The following TMEM117 variants were observed in gnomAD, a reference collection of about 807,000 sequenced individuals.
TMEM117 encodes the protein transmembrane protein 117.
TMEM117 carries 27 observed loss-of-function variants against 52.4 expected under a neutral mutation model. The ratio of observed to expected loss-of-function variants is 0.51; its 90% confidence interval spans 0.38 to 0.71. TMEM117 has a LOEUF of 0.71. TMEM117 is among the 30% of genes least tolerant of loss of function. TMEM117 has a pLI of 0.00. For missense variants in TMEM117, 556 were observed against 630.5 expected, an observed-to-expected ratio of 0.88 and a Z score of 1.26; for synonymous variants, 215 against 206.3, an observed-to-expected ratio of 1.04 and a Z score of -0.36.
intron 6 of TMEM117, among the ~76,000 whole-genome samples, chr12:44,352,350 T>A (rs1951575423): frequency 6.6e-6 from 1 of 152,134 alleles, no homozygotes; most frequent in Admixed American, 6.6e-5. Context: ...AACGTGCAGG[T>A]TTGTTACATA....
At chr12:44,355,526 G>A (rs1951634969) in intron 6 of TMEM117, among the ~76,000 whole-genome samples, 1 of 152,024 alleles carries the variant, frequency 6.6e-6, no homozygotes, top group East Asian at 1.9e-4. Flanking sequence ...GGACTGAAGA[G>A]TCTTTTAGGA....
At chr12:43,821,482 T>C in the TMEM117 span, among the ~76,000 whole-genome samples, 1 of 152,212 alleles carries the variant, frequency 6.6e-6, no homozygotes, top group Non-Finnish European at 1.5e-5. Context: ...ATTTTCACCA[T>C]GTTGCCCAGG....
chr12:43,928,909 A>G (rs988141917), intron 2 of TMEM117, among the ~76,000 whole-genome samples: 10 of 151,928 alleles, frequency 6.6e-5, no homozygotes, highest in African/African-American at 2.4e-4. Flanking sequence ...CCATGTCCCT[A>G]TAAAGGACAT....
intron 3 of TMEM117, among the ~76,000 whole-genome samples, chr12:44,101,410 C>G (rs943843540): frequency 6.6e-6 from 1 of 151,878 alleles, no homozygotes; most frequent in African/African-American, 2.4e-5. Context: ...ATGGACTGTC[C>G]TTCCTCTGTC....
At chr12:43,819,606 C>T in the TMEM117 span, among the ~76,000 whole-genome samples, 2 of 152,228 alleles carry the variant, frequency 1.3e-5, no homozygotes, top group East Asian at 3.9e-4. Flanking sequence ...AACCTCGTCT[C>T]TACTAAAAAT....
intron 6 of TMEM117, among the ~76,000 whole-genome samples, chr12:44,311,895 GTGTATATA>G (rs1950994063): frequency 7.5e-6 from 1 of 132,466 alleles, no homozygotes; most frequent in African/African-American, 3.2e-5. Flanking sequence ...GTATATATAT[GTGTATATA>G]TATATGTGTG....
chr12:43,975,829 G>A (rs569313750), intron 3 of TMEM117, among the ~76,000 whole-genome samples: 6 of 152,266 alleles, frequency 3.9e-5, no homozygotes, highest in African/African-American at 1.4e-4. Context: ...AATTCATTAT[G>A]CTGGACTAAA....
At chr12:44,209,676 A>G (rs1836270500) in intron 4 of TMEM117, among the ~76,000 whole-genome samples, 1 of 152,152 alleles carries the variant, frequency 6.6e-6, no homozygotes, top group Non-Finnish European at 1.5e-5. Flanking sequence ...AGTGTTACTC[A>G]GTGAAGGGGA....
At chr12:44,053,959 G>A (rs1947013143) in intron 3 of TMEM117, among the ~76,000 whole-genome samples, 1 of 152,138 alleles carries the variant, frequency 6.6e-6, no homozygotes, top group Admixed American at 6.5e-5. Flanking sequence ...TTTTAAATTT[G>A]GGTGTGATTA....
the TMEM117 span, among the ~76,000 whole-genome samples, chr12:43,820,826 G>A: frequency 1.3e-5 from 2 of 151,822 alleles, no homozygotes; most frequent in Non-Finnish European, 2.9e-5. Flanking sequence ...AAGTGGCCGG[G>A]CGCGTTGGCT....
At chr12:44,147,475 G>A (rs1488791361) in intron 4 of TMEM117, among the ~76,000 whole-genome samples, 1 of 152,092 alleles carries the variant, frequency 6.6e-6, no homozygotes, top group Admixed American at 6.5e-5. Context: ...GCTGATCTAT[G>A]CCTAATAATC....
At chr12:44,292,737 G>A (rs1950720325) in intron 5 of TMEM117, among the ~76,000 whole-genome samples, 1 of 151,626 alleles carries the variant, frequency 6.6e-6, no homozygotes. Flanking sequence ...CAGGTAGCAT[G>A]TTGTTTAATT....
At chr12:44,005,937 C>T (rs1946187533) in intron 3 of TMEM117, among the ~76,000 whole-genome samples, 3 of 152,210 alleles carry the variant, frequency 2.0e-5, no homozygotes, top group Non-Finnish European at 4.4e-5. Flanking sequence ...TCCTTACCTT[C>T]TGCCATGATT....
At chr12:44,346,308 A>C (rs1951485871) in intron 6 of TMEM117, among the ~76,000 whole-genome samples, 1 of 152,106 alleles carries the variant, frequency 6.6e-6, no homozygotes, top group Admixed American at 6.6e-5. Flanking sequence ...TATTTTACCT[A>C]TACAACTTTC....
chr12:44,287,854 T>A (rs1950656285), intron 5 of TMEM117, among the ~76,000 whole-genome samples: 1 of 152,238 alleles, frequency 6.6e-6, no homozygotes. Context: ...TGTGATTCAG[T>A]TTCAGCACTT....
At position 43,996,059 on chromosome 12, in the gene TMEM117, A is replaced by T. The variant is rs888868777; in HGVS notation, c.410+51717A>T. Among the ~76,000 whole-genome samples the T allele has an allele frequency of 3.0e-4, 45 of 150,190 alleles. 1 individual carries two copies. The highest frequency in any genetic ancestry group is 2.2e-4 in the Non-Finnish European group (15 of 67,782). On this transcript the variant is annotated intron_variant, in intron 3 of 7. Transcript: ENST00000266534. ...ACCTGAAACAAATATAGGTAATGTT[A>T]AAAAAAAATGACAACAGAAATCTTT...
intron 3 of TMEM117, among the ~76,000 whole-genome samples, chr12:43,959,087 G>A (rs577089333): frequency 2.1e-4 from 32 of 152,260 alleles, no homozygotes; most frequent in African/African-American, 7.5e-4. Flanking sequence ...CATTACAGGC[G>A]TGAGCCACCG....
At chr12:44,113,818 C>T (rs2138112124) in intron 3 of TMEM117, among the ~76,000 whole-genome samples, 1 of 36,384 alleles carries the variant, frequency 2.7e-5, no homozygotes, top group South Asian at 8.5e-4. Context: ...TCGTTGCCGC[C>T]TTGCAGTTTG....
At chr12:44,365,430 A>G (rs984468585) in intron 6 of TMEM117, among the ~76,000 whole-genome samples, 1 of 152,028 alleles carries the variant, frequency 6.6e-6, no homozygotes, top group Non-Finnish European at 1.5e-5. Flanking sequence ...GATAATTGCA[A>G]TATTAGGCCT....
Sources: gnomAD v4.1 joint callset for allele counts (sites outside exome capture counted in the v4.1 genomes callset) on GRCh38, gnomAD v4.1.1 for gene constraint, MANE v1.5 for transcripts, NCBI Gene and HGNC (gene_info 2026-07-23, HGNC 2026-07-21) for gene names.